Variants in CFAP74 observed in about 807,000 individuals in gnomAD.
CFAP74 encodes cilia- and flagella-associated protein 74.
A neutral mutation model predicts 188.9 loss-of-function variants in CFAP74; 124 were observed. The observed-to-expected ratio is 0.66, with a 90% CI of 0.57 to 0.76. The LOEUF is 0.76. Ranked by LOEUF, CFAP74 falls within the 30% of genes least tolerant of loss-of-function variation. The pLI, the probability that CFAP74 is intolerant of heterozygous loss-of-function variation, is 0.00. For missense variants in CFAP74, 2,198 were observed against 2,165.2 expected (o/e 1.02, Z -0.30); for synonymous variants, 956 against 916.7 (o/e 1.04, Z -0.77).
In CFAP74 at chr1:2,001,416, G is replaced by A. The variant is rs574888988; in HGVS notation, c.-20+2285C>T. Among the ~76,000 whole-genome samples, 10 of 151,302 alleles carry A rather than the reference G, an allele frequency of 6.6e-5. 1 individual carries two copies. The South Asian group carries it at 1.5e-3, about 22-fold the overall frequency. On this transcript the variant is annotated intron_variant, in intron 1 of 38. Coordinates refer to ENST00000682832, the MANE Select transcript of CFAP74 (RefSeq NM_001304360.2). The stretch of plus-strand genomic sequence containing the variant: ...GCAGGGTCGGCTCACTGCAAACTCC[G>A]CCTCCTGGGTTCACGCCATTCTCCT...
intron 25 of CFAP74, among the ~76,000 whole-genome samples, chr1:1,938,121 ACATT>A (rs764305732): frequency 1.1e-4 from 13 of 118,120 alleles, no homozygotes; most frequent in Non-Finnish European, 1.6e-4. Context: ...ACATGCACTC[ACATT>A]CAGTCACATG....
At position 1,991,770 on chromosome 1, in the gene CFAP74, T is replaced by G. The variant is rs908997618; in HGVS notation, c.-19-795A>C. ...AATGCCTGAGATTGGCTGGGCGTGGTGGCTCACACCTGTAATCCCAGCACT... is the reference window on the plus strand; with the variant it reads ...AATGCCTGAGATTGGCTGGGCGTGGGGGCTCACACCTGTAATCCCAGCACT... On this transcript the variant is annotated intron_variant, in intron 1 of 38. Coordinates refer to ENST00000682832, the MANE Select transcript of CFAP74 (RefSeq NM_001304360.2). Among the ~76,000 whole-genome samples, 122 of 152,284 alleles carry G rather than the reference T, an allele frequency of 8.0e-4. 2 individuals are homozygous for G. Among genetic ancestry groups the G allele is most frequent in the African/African-American group, 2.8e-3 (115 of 41,556 alleles).
Position 1,960,046 on chromosome 1 carries a change from C to CAT in CFAP74, c.1695-18_1695-17dup. ...GGGGTCAAAGCTGCAGGACGTGACC[C>CAT]ATAGCACACGGGGGTTAGTGCTGCG... is the stretch of plus-strand genomic sequence containing the variant. On this transcript the variant is annotated splice_polypyrimidine_tract_variant and intron_variant, in intron 14 of 38. Transcript: ENST00000682832. 3 of 1,594,422 alleles carry CAT rather than the reference C, an allele frequency of 1.9e-6. No individual in the cohort carries two copies. Among genetic ancestry groups the CAT allele is most frequent in the Non-Finnish European group, 2.6e-6 (3 of 1,171,406 alleles).
intron 6 of CFAP74, among the ~76,000 whole-genome samples, chr1:1,980,556 G>A (rs1656772065): frequency 6.6e-6 from 1 of 152,254 alleles, no homozygotes; most frequent in South Asian, 2.1e-4. Context: ...CCGGGAGGTG[G>A]TGTGAGCGGG....
At chr1:1,949,063 CCTTCCTTTCCTTTCCCT>C (rs1654030383) in intron 18 of CFAP74, among the ~76,000 whole-genome samples, 2 of 132,424 alleles carry the variant, frequency 1.5e-5, no homozygotes, top group Non-Finnish European at 1.6e-5. Context: ...TTCCTTCCTT[CCTTCCTTTCCTTTCCCT>C]CCTTCCTCCC....
chr1:1,986,914 GC>G (rs1657273696), intron 5 of CFAP74, 22 bp downstream of exon 5: 3 of 1,590,862 alleles, frequency 1.9e-6, no homozygotes, highest in South Asian at 1.1e-5. Flanking sequence ...CCGGTTCCCT[GC>G]CCCCTGGCGA....
intron 33 of CFAP74, among the ~76,000 whole-genome samples, chr1:1,925,380 A>G (rs779168136): frequency 1.1e-4 from 17 of 150,024 alleles, no homozygotes; most frequent in Non-Finnish European, 2.4e-4. Context: ...GAGGCATGAG[A>G]GCACGCAGGG....
intron 33 of CFAP74, among the ~76,000 whole-genome samples, chr1:1,925,118 G>A (rs947941188): frequency 3.4e-5 from 5 of 145,516 alleles, no homozygotes; most frequent in East Asian, 2.0e-4. Context: ...GAGGGCACAC[G>A]CTGGTGCGAA....
In CFAP74 at chr1:1,923,085, G is replaced by C. The variant is rs1184280213; in HGVS notation, c.4583C>G (p.Thr1528Ser). ...EAEELRPILV[T>S]LDYIQFDTDT... ...TGTGTCAAACTGGATGTAGTCCAGGGTCACCAGGATGGGCCTCAGCTCCTC... is the reference window on the plus strand; with the variant it reads ...TGTGTCAAACTGGATGTAGTCCAGGCTCACCAGGATGGGCCTCAGCTCCTC... Residue 1528 changes from threonine to serine, a missense_variant, in exon 37 of 39, where the codon ACC becomes AGC. Coordinates refer to ENST00000682832, the MANE Select transcript of CFAP74 (RefSeq NM_001304360.2). The surrounding 1 kb of genome is among the most constrained non-coding windows in gnomAD (Gnocchi z 6.3). The C allele has an allele frequency of 6.2e-7, 1 of 1,610,056 alleles. No individual in the cohort carries two copies. The highest frequency in any genetic ancestry group is 1.3e-5 in the African/African-American group (1 of 74,732).
Position 1,944,403 on chromosome 1 carries a change from G to T in CFAP74, c.2414C>A (p.Pro805Gln), listed in dbSNP as rs1405923216. The part of the protein sequence containing the change: ...GVAIDVPVWV[P>Q]KPSVDLKICM... ...GATCTTCAGGTCCACGCTGGGCTTC[G>T]GCACCCAGACCGGCACATCGATGGC... The change falls in exon 21 of 39, where the codon CCG becomes CAG. Residue 805 changes from proline (P) to glutamine (Q), a missense_variant. Coordinates refer to ENST00000682832, the MANE Select transcript of CFAP74 (RefSeq NM_001304360.2). The T allele has an allele frequency of 6.5e-7, 1 of 1,536,014 alleles. No homozygotes were observed. The highest frequency in any genetic ancestry group is 8.7e-7 in the Non-Finnish European group (1 of 1,146,914).
chr1:1,963,632 G>T, intron 14 of CFAP74, 117 bp downstream of exon 14: 1 of 633,228 alleles, frequency 1.6e-6, no homozygotes, highest in South Asian at 2.1e-5. Context: ...CGTGAAAATC[G>T]GACCTGAGGG....
rs368497092 is a variant in CFAP74, at chr1:1,963,731, T to A, written c.1694+18A>T. ...TGTCCCTGCACCGCGTCCCTCCCTG[T>A]CTGAGCCGTCCTCTTACTCAACGTG... On this transcript the variant is annotated intron_variant, in intron 14 of 38. Transcript: ENST00000682832. 230 of 1,551,410 alleles carry A rather than the reference T, an allele frequency of 1.5e-4. No individual in the cohort carries two copies. The highest frequency in any genetic ancestry group is 1.9e-4 in the Non-Finnish European group (215 of 1,124,490).
At chr1:1,985,339 C>G (rs763133702) in intron 6 of CFAP74, 47 bp downstream of exon 6, 1 of 1,526,718 alleles carries the variant, frequency 6.5e-7, no homozygotes, top group African/African-American at 1.4e-5. Flanking sequence ...GGACTCGCAC[C>G]GTTCTGGGGC....
rs1374485124 is a variant in CFAP74, at chr1:1,942,691, TC to T, written c.2487-536del. Reference sequence around the variant, plus strand: ...CCTGGGAGGCCATGCGTCTGTCCGGTCCCTACCTCCGGCTCCCTTAAGCCAA... The same window carrying T: ...CCTGGGAGGCCATGCGTCTGTCCGGTCCTACCTCCGGCTCCCTTAAGCCAA... On this transcript the variant is annotated intron_variant, in intron 21 of 38. Transcript: ENST00000682832. The surrounding 1 kb of genome is among the most constrained non-coding windows in gnomAD (Gnocchi z 4.3). 1.3e-5 allele frequency among the ~76,000 whole-genome samples: 2 copies of T among 152,026 alleles called. No individual in the cohort carries two copies. The highest frequency in any genetic ancestry group is 3.9e-4 in the East Asian group (2 of 5,176).
At chr1:1,938,442 TCA>T (rs961476501) in intron 25 of CFAP74, among the ~76,000 whole-genome samples, 34 of 150,190 alleles carry the variant, frequency 2.3e-4, no homozygotes, top group African/African-American at 6.9e-4. Context: ...TCCTGCAGGC[TCA>T]CACACACACT....
At chr1:1,925,982 A>C (rs1449394418) in intron 32 of CFAP74, 44 bp from the exon 33 acceptor site, 7 of 1,533,862 alleles carry the variant, frequency 4.6e-6, no homozygotes, top group Non-Finnish European at 6.2e-6. Flanking sequence ...TGTCTGCTGG[A>C]GCCACGAGGG....
At chr1:1,976,301 G>T (rs1475247920) in intron 6 of CFAP74, among the ~76,000 whole-genome samples, 2 of 152,168 alleles carry the variant, frequency 1.3e-5, no homozygotes, top group African/African-American at 4.8e-5. Flanking sequence ...GTCGTGGGGC[G>T]GCTCCCTCAT....
rs181347371 is a variant in CFAP74, at chr1:1,935,262, G to A, written c.3011+3593C>T. Among the ~76,000 whole-genome samples the A allele has an allele frequency of 3.3e-5, 3 of 91,640 alleles. No individual in the cohort carries two copies. The East Asian group carries it at 1.3e-3, about 39-fold the overall frequency. The allele number at this position is 91,640 out of a possible 152,430, so 60.1% of individuals were successfully genotyped here. A position where few individuals can be genotyped will look rare whatever the true frequency, so the allele number is the denominator to read the frequency against. ...TGGGTGTTAGGCTGTAAGTACACAC[G>A]TGTGTATGTGGGTGTTAGGTTGTAG... is the stretch of plus-strand genomic sequence containing the variant. On this transcript the variant is annotated intron_variant, in intron 25 of 38. Coordinates refer to ENST00000682832, the MANE Select transcript of CFAP74 (RefSeq NM_001304360.2).
In CFAP74 at chr1:1,980,030, T is replaced by C. The variant is rs139802313; in HGVS notation, c.500+5356A>G. 3.7e-3 allele frequency among the ~76,000 whole-genome samples: 560 copies of C among 151,274 alleles called. 2 individuals carry two copies. Among genetic ancestry groups the C allele is most frequent in the African/African-American group, 0.013 (542 of 41,194 alleles). On this transcript the variant is annotated intron_variant, in intron 6 of 38. Transcript: ENST00000682832. ...TCATTCATGGGAGAGGCCCAAAGGC[T>C]TCGGACGGCGTCTGGCACGCAGTGG...
Sources: gnomAD v4.1 joint callset for allele counts (sites outside exome capture counted in the v4.1 genomes callset) on GRCh38, gnomAD v4.1.1 for gene constraint, Gnocchi (gnomAD v3.1) non-coding constraint, MANE v1.5 for transcripts, NCBI Gene and HGNC (gene_info 2026-07-23, HGNC 2026-07-21) for gene names.